The following COL6A3 variants were observed in gnomAD, a reference collection of about 807,000 sequenced individuals.
COL6A3 encodes the protein collagen alpha-3(VI) chain.
A neutral mutation model predicts 274.1 loss-of-function variants in COL6A3; 137 were observed. The observed-to-expected ratio is 0.50, with a 90% CI of 0.44 to 0.58. The LOEUF (loss-of-function observed/expected upper bound fraction) is 0.58. COL6A3 is among the 20% of genes least tolerant of loss of function. COL6A3 has a pLI of 0.00. For missense variants in COL6A3, 3,950 were observed against 4,124.9 expected, an observed-to-expected ratio of 0.96 and a Z score of 1.16; for synonymous variants, 1,650 against 1,650.6, an observed-to-expected ratio of 1.00 and a Z score of 0.01.
In COL6A3 at chr2:237,374,638, G is replaced by A; in HGVS notation, c.3453C>T (p.Pro1151=). The A allele has an allele frequency of 6.2e-7, 1 of 1,614,160 alleles. No homozygotes were observed. The highest frequency in any genetic ancestry group is 8.5e-7 in the Non-Finnish European group (1 of 1,180,034). The stretch of plus-strand genomic sequence containing the variant: ...CCCCACCCCTCTTCACGACCACGGA[G>A]GGGTTCCGCACATCATCCCCAGACC... The part of the protein sequence containing the change: ...ADRSGDDVRN[P]SVVVKRGGAV... The change falls in exon 8 of 44, where the codon CCC becomes CCT. Residue 1151 remains proline (P), a synonymous_variant. Coordinates refer to ENST00000295550, the MANE Select transcript of COL6A3 (RefSeq NM_004369.4). This position sits in a 1 kb window ranked among gnomAD's most constrained non-coding sequence, Gnocchi z 4.8.
Position 237,365,803 on chromosome 2 carries a change from G to T in COL6A3, c.5733C>A (p.Leu1911=). 1 of 1,614,166 alleles carries T rather than the reference G, an allele frequency of 6.2e-7. No individual in the cohort carries two copies. Residue 1911 remains leucine (L), a synonymous_variant, in exon 12 of 44, where the codon CTC becomes CTA. Transcript: ENST00000295550. ...GGCTGCGCATGTTCCGGAACTTCTC[G>T]AGCATCTCTGGCTGGTACTCGTCAA... The part of the protein sequence containing the change: ...FDFDEYQPEM[L]EKFRNMRSQH...
intron 29 of COL6A3, 43 bp from the exon 30 acceptor site, chr2:237,348,427 A>G: frequency 2.6e-6 from 4 of 1,514,312 alleles, no homozygotes; most frequent in Non-Finnish European, 3.7e-6. Context: ...GTTCTAATTT[A>G]AATTCATCTA....
Position 237,324,828 on chromosome 2 carries a change from GA to G in COL6A3, c.9494-15del, listed in dbSNP as rs1271742338. On this transcript the variant is annotated splice_polypyrimidine_tract_variant and intron_variant, in intron 43 of 43. Transcript: ENST00000295550. Reference sequence around the variant, plus strand: ...GTTTGGCGAGCACTGAGCGTCGAGAGAGGGGGTGGGTGGGGTGAGGTGAGGA... The same window carrying G: ...GTTTGGCGAGCACTGAGCGTCGAGAGGGGGGTGGGTGGGGTGAGGTGAGGA... 1.2e-6 allele frequency: 2 copies of G among 1,612,896 alleles called. No individual in the cohort carries two copies. The highest frequency in any genetic ancestry group is 1.7e-6 in the Non-Finnish European group (2 of 1,179,956).
At chr2:237,350,430 C>G (rs1366454279) in intron 27 of COL6A3, among the ~76,000 whole-genome samples, 2 of 152,044 alleles carry the variant, frequency 1.3e-5, no homozygotes, top group Non-Finnish European at 2.9e-5. Context: ...GCATGGGGGA[C>G]GGGCTGATGA....
Position 237,376,968 on chromosome 2 carries a change from C to A in COL6A3, c.2874G>T (p.Gly958=). 2 of 1,614,232 alleles carry A rather than the reference C, an allele frequency of 1.2e-6. No individual in the cohort carries two copies. The highest frequency in any genetic ancestry group is 2.7e-5 in the African/African-American group (2 of 75,056). The change falls in exon 7 of 44, where the codon GGG becomes GGT. Residue 958 remains glycine, a synonymous_variant. Coordinates refer to ENST00000295550, the MANE Select transcript of COL6A3 (RefSeq NM_004369.4). Reference sequence around the variant, plus strand: ...CACTCTGCTTCAGGTTACTTGCTGGCCCATCCACACGGTCAGATGACCTTC... The same window carrying A: ...CACTCTGCTTCAGGTTACTTGCTGGACCATCCACACGGTCAGATGACCTTC... ...VAGRSSDRVD[G]PASNLKQSGV...
rs1172348981 is a variant in COL6A3, at chr2:237,336,529, A to G, written c.8571T>C (p.Asn2857=). 1.9e-6 allele frequency: 3 copies of G among 1,614,184 alleles called. No homozygotes were observed. Among genetic ancestry groups the G allele is most frequent in the Non-Finnish European group, 2.5e-6 (3 of 1,179,988 alleles). ...GACTTGAAGTAACGTTATTCGGAACATTTCTGTTAAGACAAATTAAATATT... is the reference window on the plus strand; with the variant it reads ...GACTTGAAGTAACGTTATTCGGAACGTTTCTGTTAAGACAAATTAAATATT... ...NLVKFGHKQV[N]VPNNVTSSPT... is the part of the protein sequence containing the mutation. The change falls in exon 40 of 44, where the codon AAT becomes AAC. Residue 2857 remains asparagine (N), a synonymous_variant. Transcript: ENST00000295550.
Position 237,374,545 on chromosome 2 carries a change from C to A in COL6A3, c.3546G>T (p.Pro1182=). The change falls in exon 8 of 44, where the codon CCG becomes CCT. Residue 1182 remains proline (P), a synonymous_variant. Coordinates refer to ENST00000295550, the MANE Select transcript of COL6A3 (RefSeq NM_004369.4). This position sits in a 1 kb window ranked among gnomAD's most constrained non-coding sequence, Gnocchi z 4.8. ...AGGTGGGAATGGCCACGGCAAAGTCCGGGATGAAGGAGATGGTCTGCATCT... is the reference window on the plus strand; with the variant it reads ...AGGTGGGAATGGCCACGGCAAAGTCAGGGATGAAGGAGATGGTCTGCATCT... ...ITEMQTISFI[P]DFAVAIPTFR... The A allele has an allele frequency of 6.2e-7, 1 of 1,614,206 alleles. No homozygotes were observed. Among genetic ancestry groups the A allele is most frequent in the Non-Finnish European group, 8.5e-7 (1 of 1,180,048 alleles).
In COL6A3 at chr2:237,344,188, G is replaced by C. The variant is rs532420480; in HGVS notation, c.7668+162C>G. On this transcript the variant is annotated intron_variant, in intron 36 of 43. Coordinates refer to ENST00000295550, the MANE Select transcript of COL6A3 (RefSeq NM_004369.4). The surrounding 1 kb of genome is among the most constrained non-coding windows in gnomAD (Gnocchi z 4.8). ...CCTGTAGTGCTGGAGCCACGAGGTT[G>C]TCCTGGAGACCTCACAAGAGAAGTT... 5.2e-4 allele frequency: 544 copies of C among 1,049,348 alleles called. 3 individuals are homozygous for C. In the African/African-American group the frequency reaches 7.7e-3, roughly 15 times the overall value. 65.0% of individuals were successfully genotyped at this position (1,049,348 alleles called of 1,614,324 possible).
intron 42 of COL6A3, chr2:237,327,377 C>T (rs1301079332): frequency 6.6e-6 from 1 of 152,476 alleles, no homozygotes; most frequent in Non-Finnish European, 1.5e-5. Flanking sequence ...CTCTGCTGAA[C>T]CAGTCACGAG....
Position 237,364,802 on chromosome 2 carries a change from CATGTGTGTGCACGTGTGTGTG to C in COL6A3, c.5839-395_5839-375del, listed in dbSNP as rs2077512565. Among the ~76,000 whole-genome samples the C allele has an allele frequency of 1.0e-5, 1 of 98,324 alleles. No individual in the cohort carries two copies. The highest frequency in any genetic ancestry group is 3.5e-4 in the East Asian group (1 of 2,820). 64.5% of individuals were successfully genotyped at this position (98,324 alleles called of 152,430 possible). A position where few individuals can be genotyped will look rare whatever the true frequency, so the allele number is the denominator to read the frequency against. ...TGTGTGTATGGGTGCATTGTGTGTG[CATGTGTGTGCACGTGTGTGTG>C]CATGTGTGGGTGTGTGGGTGTACAT... On this transcript the variant is annotated intron_variant, in intron 12 of 43. Coordinates refer to ENST00000295550, the MANE Select transcript of COL6A3 (RefSeq NM_004369.4). This position sits in a 1 kb window ranked among gnomAD's most constrained non-coding sequence, Gnocchi z 4.6.
chr2:237,341,955 A>T, intron 37 of COL6A3, 110 bp downstream of exon 37: 1 of 914,570 alleles, frequency 1.1e-6, no homozygotes, highest in Non-Finnish European at 1.8e-6. Context: ...TTTGTGAATC[A>T]ATTGAACTCA....
intron 21 of COL6A3, 95 bp downstream of exon 21, chr2:237,358,426 C>A (rs1339475846): frequency 6.6e-6 from 7 of 1,061,002 alleles, no homozygotes; most frequent in Non-Finnish European, 8.8e-6. Context: ...TGTTTTAAAG[C>A]AATTTCAAAA....
At chr2:237,350,124 C>G in intron 28 of COL6A3, 23 bp downstream of exon 28, 9 of 1,613,098 alleles carry the variant, frequency 5.6e-6, no homozygotes, top group Non-Finnish European at 7.6e-6. Flanking sequence ...GACAGCCTGA[C>G]CCCAAGCGCG....
intron 4 of COL6A3, among the ~76,000 whole-genome samples, chr2:237,382,305 C>T (rs1412189126): frequency 6.6e-6 from 1 of 152,118 alleles, no homozygotes; most frequent in African/African-American, 2.4e-5. Flanking sequence ...ATCACTTGAA[C>T]CTGGAAGGAG....
At chr2:237,362,858 C>T (rs2077468188) in intron 14 of COL6A3, among the ~76,000 whole-genome samples, 1 of 152,220 alleles carries the variant, frequency 6.6e-6, no homozygotes, top group African/African-American at 2.4e-5. Context: ...AACAGCCTTT[C>T]TTTTCCTGCA....
At chr2:237,408,028 G>A (rs974322826) in intron 1 of COL6A3, among the ~76,000 whole-genome samples, 2 of 152,156 alleles carry the variant, frequency 1.3e-5, no homozygotes, top group African/African-American at 4.8e-5. Context: ...CAAAACTGTG[G>A]TGTTCCACTG....
At chr2:237,393,856 A>T (rs1331533716) in intron 3 of COL6A3, among the ~76,000 whole-genome samples, 1 of 152,148 alleles carries the variant, frequency 6.6e-6, no homozygotes, top group Middle Eastern at 3.2e-3. Context: ...CACATGACAC[A>T]TCGATGCAAT....
intron 3 of COL6A3, among the ~76,000 whole-genome samples, chr2:237,393,530 T>C (rs2078345172): frequency 6.6e-6 from 1 of 152,186 alleles, no homozygotes; most frequent in African/African-American, 2.4e-5. Context: ...AACATGTGTG[T>C]CTCCTTTCTG....
rs764609217 is a variant in COL6A3, at chr2:237,334,816, C to G, written c.9039G>C (p.Glu3013Asp). ...GGTCATAAAAATAAGGACCGGGGGG[C>G]TCAGCCCTCTCCCAGTGGAGTTTGG... ...NSAKLHWERAEPPGPYFYDLT... is the reference protein window; with the variant it reads ...NSAKLHWERADPPGPYFYDLT... Residue 3013 changes from glutamate to aspartate, a missense_variant, in exon 41 of 44, where the codon GAG becomes GAC. By Grantham distance (45) the Glu-to-Asp change is conservative. This residue lies in a region of COL6A3 where 1,284 missense variants were observed against 1,349.7 expected (regional missense o/e 0.95). Coordinates refer to ENST00000295550, the MANE Select transcript of COL6A3 (RefSeq NM_004369.4). 6.2e-7 allele frequency: 1 copy of G among 1,614,188 alleles called. No homozygotes were observed. The highest frequency in any genetic ancestry group is 8.5e-7 in the Non-Finnish European group (1 of 1,180,032).
Sources: gnomAD v4.1 joint callset for allele counts (sites outside exome capture counted in the v4.1 genomes callset) on GRCh38, gnomAD v4.1.1 for gene constraint, gnomAD v4.1.1 regional missense constraint, Gnocchi (gnomAD v3.1) non-coding constraint, MANE v1.5 for transcripts, NCBI Gene and HGNC (gene_info 2026-07-23, HGNC 2026-07-21) for gene names.